The following MCTP1 variants were observed in gnomAD, a reference collection of about 807,000 sequenced individuals.
The protein encoded by MCTP1 is multiple C2 and transmembrane domain-containing protein 1.
MCTP1 carries 69 observed loss-of-function variants against 120.6 expected under a neutral mutation model. The ratio of observed to expected loss-of-function variants is 0.57; its 90% CI spans 0.47 to 0.70. The LOEUF (loss-of-function observed/expected upper bound fraction) is 0.70. Ranked by LOEUF, MCTP1 falls within the 30% of genes least tolerant of loss-of-function variation. MCTP1 has a pLI of 0.00. For synonymous variants in MCTP1, 529 were observed against 493.1 expected (o/e 1.07, Z -0.96); for missense variants, 1,203 against 1,248.8 (o/e 0.96, Z 0.55).
Position 94,873,178 on chromosome 5 carries a change from T to C in MCTP1, c.1997A>G (p.Tyr666Cys). The part of the protein sequence containing the change: ...NNDRLLTHTV[Y>C]KNLNPEWNKV... ...ATTCCACTCAGGATTGAGATTTTTGTAGACAGTATGTGTTAGCAGTCTATC... is the reference window on the plus strand; with the variant it reads ...ATTCCACTCAGGATTGAGATTTTTGCAGACAGTATGTGTTAGCAGTCTATC... The change falls in exon 13 of 23, where the codon TAC becomes TGC. Residue 666 changes from tyrosine (Y) to cysteine (C), a missense_variant. This residue lies in a region of MCTP1 where 740 missense variants were observed against 871.1 expected (regional missense o/e 0.85). Coordinates refer to ENST00000515393, the MANE Select transcript of MCTP1 (RefSeq NM_024717.7). 2 of 1,610,848 alleles carry C rather than the reference T, an allele frequency of 1.2e-6. No homozygotes were observed. The highest frequency in any genetic ancestry group is 1.1e-5 in the South Asian group (1 of 90,970).
chr5:95,094,788 G>A (rs1756101448), intron 1 of MCTP1, among the ~76,000 whole-genome samples: 1 of 151,890 alleles, frequency 6.6e-6, no homozygotes, highest in African/African-American at 2.4e-5. Context: ...CATTTATCCT[G>A]AGTATACTAT....
intron 1 of MCTP1, among the ~76,000 whole-genome samples, chr5:95,153,764 C>T (rs1320751647): frequency 1.3e-5 from 2 of 152,152 alleles, no homozygotes; most frequent in Non-Finnish European, 2.9e-5. Flanking sequence ...AGAATGCTTT[C>T]CCATTAAGAG....
At chr5:95,163,914 A>G (rs2152481115) in intron 1 of MCTP1, among the ~76,000 whole-genome samples, 1 of 152,284 alleles carries the variant, frequency 6.6e-6, no homozygotes, top group East Asian at 1.9e-4. Flanking sequence ...TTTATTTTAG[A>G]AAGGTATTTC....
rs776538921 is a variant in MCTP1 at position 94,953,304 on chromosome 5, T to G, written c.896A>C (p.Lys299Thr). 1.2e-6 allele frequency: 2 copies of G among 1,611,978 alleles called. No homozygotes were observed. Among genetic ancestry groups the G allele is most frequent in the Non-Finnish European group, 1.7e-6 (2 of 1,178,876 alleles). Residue 299 changes from lysine (K) to threonine (T), a missense_variant, in exon 3 of 23, where the codon AAG becomes ACG. Transcript: ENST00000515393. Reference sequence around the variant, plus strand: ...AGGGTTGAGGTTCTTGTGTATTATCTTACTTCTAAAAACTTCTTTTCCTCC... The same window carrying G: ...AGGGTTGAGGTTCTTGTGTATTATCGTACTTCTAAAAACTTCTTTTCCTCC... ...KIGGKEVFRSKIIHKNLNPVW... is the reference protein window; with the variant it reads ...KIGGKEVFRSTIIHKNLNPVW...
chr5:95,115,300 A>G (rs1757738950), intron 1 of MCTP1, among the ~76,000 whole-genome samples: 3 of 152,174 alleles, frequency 2.0e-5, no homozygotes, highest in South Asian at 2.1e-4. Context: ...CCAGGGACCA[A>G]TCCTGGAGAA....
rs912701905 is a variant in MCTP1 at position 95,266,422 on chromosome 5, C to G, written c.720+17434G>C. 2.0e-5 allele frequency among the ~76,000 whole-genome samples: 3 copies of G among 152,166 alleles called. No individual in the cohort carries two copies. In the South Asian group the frequency reaches 6.2e-4, roughly 31 times the overall value. ...TGTGTACATTTCTATGGGGAAAATACCACAACCTTTGTTAGTTTCTGAAAA... is the reference window on the plus strand; with the variant it reads ...TGTGTACATTTCTATGGGGAAAATAGCACAACCTTTGTTAGTTTCTGAAAA... On this transcript the variant is annotated intron_variant, in intron 1 of 22. Transcript: ENST00000515393.
At chr5:95,122,749 G>A (rs543375058) in intron 1 of MCTP1, among the ~76,000 whole-genome samples, 2 of 152,268 alleles carry the variant, frequency 1.3e-5, no homozygotes, top group Non-Finnish European at 2.9e-5. Context: ...ATCAATCTAA[G>A]TGGCCATCAC....
At chr5:95,225,709 T>C (rs1275095063) in intron 1 of MCTP1, among the ~76,000 whole-genome samples, 13 of 152,100 alleles carry the variant, frequency 8.5e-5, no homozygotes, top group Admixed American at 8.5e-4. Context: ...TTCATCTCTC[T>C]CCTTTACATC....
intron 3 of MCTP1, among the ~76,000 whole-genome samples, chr5:94,947,381 C>T (rs1348492658): frequency 1.3e-5 from 2 of 151,488 alleles, no homozygotes; most frequent in Non-Finnish European, 2.9e-5. Flanking sequence ...GGCACTCATT[C>T]AGTAATATGA....
intron 3 of MCTP1, among the ~76,000 whole-genome samples, chr5:94,943,361 C>T (rs1818189813): frequency 2.0e-5 from 3 of 152,018 alleles, no homozygotes; most frequent in African/African-American, 4.8e-5. Flanking sequence ...GTGTTTCACA[C>T]ATCAGTTGTG....
chr5:94,771,080 G>T (rs143110210), intron 19 of MCTP1, among the ~76,000 whole-genome samples: 1 of 152,116 alleles, frequency 6.6e-6, no homozygotes, highest in Admixed American at 6.5e-5. Context: ...GTAGAAGCTT[G>T]CTTTGGAATT....
intron 10 of MCTP1, among the ~76,000 whole-genome samples, chr5:94,898,004 A>C (rs1804550560): frequency 6.6e-6 from 1 of 152,352 alleles, no homozygotes; most frequent in African/African-American, 2.4e-5. Flanking sequence ...AAGATGATTA[A>C]GAAAAATTTA....
chr5:95,024,492 T>C (rs1201341054), intron 1 of MCTP1, among the ~76,000 whole-genome samples: 1 of 152,094 alleles, frequency 6.6e-6, no homozygotes, highest in Non-Finnish European at 1.5e-5. Context: ...GACAAGTCCA[T>C]AGCTAACATC....
chr5:95,034,422 C>T (rs1436007623), intron 1 of MCTP1, among the ~76,000 whole-genome samples: 3 of 151,894 alleles, frequency 2.0e-5, no homozygotes, highest in Non-Finnish European at 4.4e-5. Flanking sequence ...TAAAGCCACA[C>T]ACCCACAACC....
chr5:95,253,659 G>A (rs1420707490), intron 1 of MCTP1, among the ~76,000 whole-genome samples: 1 of 151,984 alleles, frequency 6.6e-6, no homozygotes. Context: ...TAAAATAAAT[G>A]TATAGGTACA....
chr5:94,807,415 C>G (rs1332180114), intron 17 of MCTP1, among the ~76,000 whole-genome samples: 1 of 152,062 alleles, frequency 6.6e-6, no homozygotes, highest in East Asian at 1.9e-4. Flanking sequence ...AAAGTGAGAC[C>G]TAAAATATAT....
At chr5:94,800,229 A>T in intron 17 of MCTP1, among the ~76,000 whole-genome samples, 1 of 152,250 alleles carries the variant, frequency 6.6e-6, no homozygotes, top group South Asian at 2.1e-4. Flanking sequence ...ATACATTACA[A>T]AACACAGAAA....
intron 1 of MCTP1, among the ~76,000 whole-genome samples, chr5:95,085,071 C>G (rs1247637986): frequency 6.6e-6 from 1 of 152,104 alleles, no homozygotes; most frequent in African/African-American, 2.4e-5. Context: ...TGTTGACACC[C>G]TCCTTCCATT....
intron 1 of MCTP1, among the ~76,000 whole-genome samples, chr5:95,229,299 AC>A (rs2152641645): frequency 6.6e-6 from 1 of 152,336 alleles, no homozygotes; most frequent in South Asian, 2.1e-4. Context: ...TTTCAGGCTA[AC>A]TGCTGACCTA....
Sources: allele counts gnomAD v4.1 joint callset (sites outside exome capture counted in the v4.1 genomes callset), GRCh38; gene constraint gnomAD v4.1.1; regional missense constraint gnomAD v4.1.1; transcripts MANE v1.5; gene names NCBI Gene and HGNC (gene_info 2026-07-23, HGNC 2026-07-21).